The following MYO19 variants were observed in gnomAD, a reference collection of about 807,000 sequenced individuals.
MYO19 encodes the protein unconventional myosin-XIX.
MYO19 carries 132 observed loss-of-function variants against 129.2 expected under a neutral mutation model. The ratio of observed to expected loss-of-function variants is 1.02; its 90% CI spans 0.89 to 1.18. The LOEUF (loss-of-function observed/expected upper bound fraction) is 1.18, where lower values mean the gene tolerates loss of function less well. MYO19 is among the 50% of genes most tolerant of loss of function. The pLI is 0.00. For synonymous variants in MYO19, 531 were observed against 477.2 expected (o/e 1.11, Z -1.47); for missense variants, 1,210 against 1,216.7 (o/e 0.99, Z 0.08).
At chr17:36,503,829 G>A in intron 20 of MYO19, 121 bp downstream of exon 20, 1 of 807,420 alleles carries the variant, frequency 1.2e-6, no homozygotes, top group Non-Finnish European at 1.8e-6. Context: ...GACTTCTACA[G>A]ACCAGCCTCT....
intron 3 of MYO19, among the ~76,000 whole-genome samples, chr17:36,531,855 C>A (rs571592400): frequency 6.6e-6 from 1 of 152,312 alleles, no homozygotes; most frequent in South Asian, 2.1e-4. Context: ...TGCCTCAGCC[C>A]AGTGCCTGGC....
At chr17:36,543,038 A>T (rs545217510) in intron 1 of MYO19, 16 of 152,090 alleles carry the variant, frequency 1.1e-4, no homozygotes, top group African/African-American at 3.9e-4. Flanking sequence ...TGTTTTTTAC[A>T]TAAAACGCAA....
At chr17:36,525,444 G>C (rs2073405669) in intron 5 of MYO19, 103 bp from the exon 6 acceptor site, 2 of 850,816 alleles carry the variant, frequency 2.4e-6, no homozygotes, top group Non-Finnish European at 3.8e-6. Flanking sequence ...TAGCAGTGGT[G>C]GGATGCTTCC....
upstream of MYO19, chr17:36,537,893 T>C (rs1567809068): frequency 6.2e-7 from 1 of 1,614,150 alleles, no homozygotes; most frequent in Non-Finnish European, 8.5e-7. Context: ...CCTGGATTAT[T>C]GCCCTCGGCA....
intron 6 of MYO19, among the ~76,000 whole-genome samples, chr17:36,522,469 C>A (rs984365000): frequency 4.6e-5 from 7 of 151,776 alleles, no homozygotes; most frequent in African/African-American, 1.7e-4. Flanking sequence ...GAGATCACAC[C>A]ACCTGCACTC....
chr17:36,507,527 G>A lies in MYO19; in HGVS notation c.1354-15C>T, dbSNP rs772543595. ...GCGTATTCCTCCTAAAGAACAAGGT[G>A]GGATGAGGTGGGAGAAGGCAGCTGT... On this transcript the variant is annotated splice_polypyrimidine_tract_variant and intron_variant, in intron 15 of 25. Transcript: ENST00000614623. 6.2e-6 allele frequency: 10 copies of A among 1,609,836 alleles called. No homozygotes were observed. The highest frequency in any genetic ancestry group is 1.3e-5 in the African/African-American group (1 of 74,854).
intron 13 of MYO19, among the ~76,000 whole-genome samples, chr17:36,510,429 C>T (rs1246125912): frequency 6.6e-6 from 1 of 152,230 alleles, no homozygotes; most frequent in Non-Finnish European, 1.5e-5. Flanking sequence ...TGGGGCCTGC[C>T]TTGCCAGCAG....
At chr17:36,532,943 T>C (rs1039668635) in intron 2 of MYO19, among the ~76,000 whole-genome samples, 1 of 152,036 alleles carries the variant, frequency 6.6e-6, no homozygotes, top group Non-Finnish European at 1.5e-5. Context: ...CAGTGTGCCA[T>C]GGAGGAGGAG....
At chr17:36,521,634 G>C (rs1191741963) in intron 6 of MYO19, among the ~76,000 whole-genome samples, 7 of 152,156 alleles carry the variant, frequency 4.6e-5, no homozygotes, top group Non-Finnish European at 1.0e-4. Context: ...AATAAGTGAA[G>C]AAAGGCTATA....
At chr17:36,503,918 C>A (rs1326643387) in intron 20 of MYO19, 32 bp downstream of exon 20, 6 of 1,552,234 alleles carry the variant, frequency 3.9e-6, no homozygotes, top group Non-Finnish European at 5.2e-6. Flanking sequence ...TCTGTACTGG[C>A]CCTGCACTGT....
At chr17:36,527,834 A>T (rs2073574999) in intron 4 of MYO19, 135 bp from the exon 5 acceptor site, 2 of 1,149,724 alleles carry the variant, frequency 1.7e-6, no homozygotes, top group Admixed American at 2.8e-5. Context: ...CTCCCTGAAG[A>T]AAAGATACAA....
chr17:36,539,889 A>ATTT (rs142199109), upstream of MYO19, among the ~76,000 whole-genome samples: 2 of 143,618 alleles, frequency 1.4e-5, no homozygotes, highest in South Asian at 2.2e-4. Context: ...TTCCCCACAG[A>ATTT]TTTTTTTTTT....
chr17:36,497,466 C>G (rs954847429), intron 25 of MYO19: 4 of 898,570 alleles, frequency 4.5e-6, no homozygotes, highest in Non-Finnish European at 5.3e-6. Flanking sequence ...CTCCTCACAA[C>G]CCAAGTTGTG....
upstream of MYO19, chr17:36,537,552 C>A (rs2074159420): frequency 1.2e-6 from 2 of 1,614,166 alleles, no homozygotes; most frequent in Non-Finnish European, 1.7e-6. Flanking sequence ...GGACTTCCCA[C>A]TTTTTCCCAG....
intron 11 of MYO19, 158 bp downstream of exon 11, chr17:36,513,271 C>A: frequency 6.7e-7 from 1 of 1,494,008 alleles, no homozygotes; most frequent in South Asian, 1.4e-5. Context: ...TCTCCAGACT[C>A]AGCAGAACAG....
chr17:36,536,027 T>C (rs976244578), upstream of MYO19, among the ~76,000 whole-genome samples: 1 of 152,200 alleles, frequency 6.6e-6, no homozygotes, highest in Non-Finnish European at 1.5e-5. Context: ...CAGCTCATGG[T>C]ACATTTAGAA....
intron 17 of MYO19, 58 bp downstream of exon 17, chr17:36,506,905 A>G: frequency 6.8e-7 from 1 of 1,468,522 alleles, no homozygotes; most frequent in Non-Finnish European, 9.1e-7. Flanking sequence ...ATGTCTGCAT[A>G]GCAAAGACCC....
At chr17:36,498,199 G>T in intron 25 of MYO19, 67 bp downstream of exon 25, 1 of 1,536,662 alleles carries the variant, frequency 6.5e-7, no homozygotes, top group Non-Finnish European at 8.8e-7. Flanking sequence ...TTCCCGCTGT[G>T]AACTTGTAGG....
intron 18 of MYO19, 51 bp from the exon 19 acceptor site, chr17:36,505,455 C>T: frequency 1.4e-6 from 2 of 1,402,624 alleles, no homozygotes; most frequent in Admixed American, 3.6e-5. Flanking sequence ...TGCCCAGGGC[C>T]ATCAACTGGG....
Sources: gnomAD v4.1 joint callset for allele counts (sites outside exome capture counted in the v4.1 genomes callset) on GRCh38, gnomAD v4.1.1 for gene constraint, MANE v1.5 for transcripts, NCBI Gene and HGNC (gene_info 2026-07-23, HGNC 2026-07-21) for gene names.